The following NALF1 variants were observed in gnomAD, a reference collection of about 807,000 sequenced individuals.
NALF1 encodes the protein family with sequence similarity 155 member A.
Under a neutral mutation model 48.4 loss-of-function variants are expected in NALF1, and 3 were observed. That is an observed-to-expected ratio of 0.06 (90% CI 0.03 to 0.16). The LOEUF (loss-of-function observed/expected upper bound fraction) is 0.16. Ranked by LOEUF, NALF1 falls within the 10% of genes least tolerant of loss-of-function variation. The pLI, the probability that NALF1 is intolerant of heterozygous loss-of-function variation, is 1.00. For missense variants in NALF1, 526 were observed against 571.5 expected, an observed-to-expected ratio of 0.92 and a Z score of 0.81; for synonymous variants, 262 against 245.7, an observed-to-expected ratio of 1.07 and a Z score of -0.62.
chr13:107,654,761 C>CA lies in NALF1; in HGVS notation c.915+210920dup, dbSNP rs540082523. 1.6e-3 allele frequency among the ~76,000 whole-genome samples: 239 copies of CA among 151,968 alleles called. 1 individual carries two copies. The highest frequency in any genetic ancestry group is 5.3e-3 in the African/African-American group (220 of 41,478). ...GTAAAAATCCTCAATAAAATACTAG[C>CA]AAAATGAGTTCAACTGCATATCAAA... is the stretch of plus-strand genomic sequence containing the variant. On this transcript the variant is annotated intron_variant, in intron 1 of 2. Coordinates refer to ENST00000375915, the MANE Select transcript of NALF1 (RefSeq NM_001080396.3).
At chr13:107,810,195 T>C (rs558069935) in intron 1 of NALF1, among the ~76,000 whole-genome samples, 5 of 152,220 alleles carry the variant, frequency 3.3e-5, no homozygotes, top group Middle Eastern at 3.4e-3. Context: ...ACCAACAACC[T>C]CTTCCCAATG....
chr13:107,412,026 T>A (rs1884001158), intron 1 of NALF1, among the ~76,000 whole-genome samples: 1 of 152,192 alleles, frequency 6.6e-6, no homozygotes, highest in African/African-American at 2.4e-5. Context: ...ACTGGCATGA[T>A]CTGATTTGCA....
intron 1 of NALF1, among the ~76,000 whole-genome samples, chr13:107,220,052 A>G (rs1879957514): frequency 7.6e-6 from 1 of 131,366 alleles, no homozygotes; most frequent in East Asian, 2.4e-4. Context: ...TACTTTACCA[A>G]TGTCACAGTC....
chr13:107,739,436 AATATTAT>A (rs1366451361), intron 1 of NALF1, among the ~76,000 whole-genome samples: 2 of 147,258 alleles, frequency 1.4e-5, no homozygotes, highest in Non-Finnish European at 3.0e-5. Flanking sequence ...TAAAATATAT[AATATTAT>A]ATATTATATA....
chr13:107,672,865 T>C (rs1881022944), intron 1 of NALF1, among the ~76,000 whole-genome samples: 1 of 152,168 alleles, frequency 6.6e-6, no homozygotes, highest in African/African-American at 2.4e-5. Flanking sequence ...TGCTCATCAA[T>C]GTTTGACATC....
At chr13:107,467,875 CAAAAAAA>C (rs1885031252) in intron 1 of NALF1, among the ~76,000 whole-genome samples, 2 of 151,716 alleles carry the variant, frequency 1.3e-5, no homozygotes, top group African/African-American at 4.8e-5. Flanking sequence ...CCCATCTCTA[CAAAAAAA>C]TAAATAAATA....
At position 107,460,733 on chromosome 13, in the gene NALF1, T is replaced by C. The variant is rs538468987; in HGVS notation, c.916-249978A>G. Reference sequence around the variant, plus strand: ...CCATATTGATAATACATAGTCACTATCAATTTGTTAATGATTTTGCTTTTC... The same window carrying C: ...CCATATTGATAATACATAGTCACTACCAATTTGTTAATGATTTTGCTTTTC... On this transcript the variant is annotated intron_variant, in intron 1 of 2. Transcript: ENST00000375915. Among the ~76,000 whole-genome samples, 3 of 152,330 alleles carry C rather than the reference T, an allele frequency of 2.0e-5. No individual in the cohort carries two copies. The East Asian group carries it at 5.8e-4, about 29-fold the overall frequency.
chr13:107,570,391 A>T (rs1877950289), intron 1 of NALF1, among the ~76,000 whole-genome samples: 1 of 152,034 alleles, frequency 6.6e-6, no homozygotes, highest in Admixed American at 6.5e-5. Context: ...GACAATTTTT[A>T]TCATAAACAC....
chr13:107,383,426 C>A (rs184611325), intron 1 of NALF1, among the ~76,000 whole-genome samples: 4 of 152,128 alleles, frequency 2.6e-5, no homozygotes, highest in Non-Finnish European at 4.4e-5. Flanking sequence ...GAATTTAACA[C>A]AGTTATTCAA....
chr13:107,211,202 C>T (rs1378741610), intron 1 of NALF1, among the ~76,000 whole-genome samples: 1 of 152,182 alleles, frequency 6.6e-6, no homozygotes, highest in Non-Finnish European at 1.5e-5. Flanking sequence ...TGGCGCGAAG[C>T]ACTTTATAAA....
chr13:107,832,764 C>T (rs1267871776), intron 1 of NALF1, among the ~76,000 whole-genome samples: 1 of 152,216 alleles, frequency 6.6e-6, no homozygotes, highest in Admixed American at 6.5e-5. Flanking sequence ...CTCTGTCTCG[C>T]TAATTACAAG....
chr13:107,638,999 C>G lies in NALF1; in HGVS notation c.915+226683G>C, dbSNP rs185732329. On this transcript the variant is annotated intron_variant, in intron 1 of 2. Coordinates refer to ENST00000375915, the MANE Select transcript of NALF1 (RefSeq NM_001080396.3). ...ATAACATGTAAATGCTTTTCATCAA[C>G]AGGAGCTCAATAAAGAATTGCTGAT... Among the ~76,000 whole-genome samples the G allele has an allele frequency of 2.2e-4, 34 of 151,606 alleles. No individual in the cohort carries two copies. The Middle Eastern group carries it at 0.014, about 61-fold the overall frequency.
chr13:107,257,978 A>T (rs1490942901), intron 1 of NALF1, among the ~76,000 whole-genome samples: 1 of 152,228 alleles, frequency 6.6e-6, no homozygotes, highest in Non-Finnish European at 1.5e-5. Context: ...GTTGCAATTA[A>T]TAAATAGTGA....
chr13:107,189,039 G>A (rs1400164161), intron 2 of NALF1, among the ~76,000 whole-genome samples: 2 of 152,180 alleles, frequency 1.3e-5, no homozygotes, highest in East Asian at 1.9e-4. Flanking sequence ...ACTGAAAAAC[G>A]ATACTAAATG....
In NALF1 at chr13:107,348,605, C is replaced by G. The variant is rs968023418; in HGVS notation, c.916-137850G>C. ...CTCTCCCTCCCCTTACCTCCCACCCCCCGGCAGGCCCCTGCGTGTGATGTT... is the reference window on the plus strand; with the variant it reads ...CTCTCCCTCCCCTTACCTCCCACCCGCCGGCAGGCCCCTGCGTGTGATGTT... On this transcript the variant is annotated intron_variant, in intron 1 of 2. Coordinates refer to ENST00000375915, the MANE Select transcript of NALF1 (RefSeq NM_001080396.3). Among the ~76,000 whole-genome samples the G allele has an allele frequency of 3.9e-5, 6 of 151,982 alleles. No homozygotes were observed. In the South Asian group the frequency reaches 8.3e-4, roughly 21 times the overall value.
At chr13:107,376,855 T>G (rs1225118386) in intron 1 of NALF1, among the ~76,000 whole-genome samples, 1 of 152,202 alleles carries the variant, frequency 6.6e-6, no homozygotes, top group East Asian at 1.9e-4. Flanking sequence ...GAAGACTGAC[T>G]ACACTGCAAA....
intron 1 of NALF1, among the ~76,000 whole-genome samples, chr13:107,824,137 C>T (rs1879441332): frequency 6.6e-6 from 1 of 151,984 alleles, no homozygotes; most frequent in South Asian, 2.1e-4. Flanking sequence ...ATTATATTGA[C>T]CACATATTAA....
At chr13:107,785,968 C>G (rs1594265648) in intron 1 of NALF1, among the ~76,000 whole-genome samples, 1 of 152,068 alleles carries the variant, frequency 6.6e-6, no homozygotes, top group Admixed American at 6.5e-5. Flanking sequence ...GTGTAAAAGC[C>G]AGGCAGAGTG....
chr13:107,266,800 C>G (rs1881048128), intron 1 of NALF1, among the ~76,000 whole-genome samples: 2 of 152,170 alleles, frequency 1.3e-5, no homozygotes, highest in African/African-American at 4.8e-5. Flanking sequence ...CTGTCTATTG[C>G]TCAATAATAC....
Sources: gnomAD v4.1 joint callset for allele counts (sites outside exome capture counted in the v4.1 genomes callset) on GRCh38, gnomAD v4.1.1 for gene constraint, MANE v1.5 for transcripts, NCBI Gene and HGNC (gene_info 2026-07-23, HGNC 2026-07-21) for gene names.